HS3ST4: variants seen among roughly 807,000 people sequenced by gnomAD.
HS3ST4 encodes heparan sulfate glucosamine 3-O-sulfotransferase 4.
In HS3ST4, 17 loss-of-function variants were observed where a neutral mutation model predicts 29.2. The observed-to-expected ratio is 0.58, with a 90% CI of 0.40 to 0.87. The LOEUF is 0.87. Ranked by LOEUF, HS3ST4 falls within the 40% of genes least tolerant of loss-of-function variation. The pLI, the probability that HS3ST4 is intolerant of heterozygous loss-of-function variation, is 0.00. For synonymous variants in HS3ST4, 314 were observed against 285.7 expected (o/e 1.10, Z -1.00); for missense variants, 627 against 634.5 (o/e 0.99, Z 0.13).
intron 1 of HS3ST4, among the ~76,000 whole-genome samples, chr16:25,862,721 A>G (rs545992668): frequency 6.6e-6 from 1 of 152,250 alleles, no homozygotes; most frequent in Non-Finnish European, 1.5e-5. Flanking sequence ...GTTTATGACA[A>G]TTATGAGTGA....
At chr16:26,079,521 C>A (rs1898702071) in intron 1 of HS3ST4, among the ~76,000 whole-genome samples, 1 of 152,198 alleles carries the variant, frequency 6.6e-6, no homozygotes, top group South Asian at 2.1e-4. Context: ...ATTTATCAGG[C>A]ACTTTGTATG....
Position 25,982,027 on chromosome 16 carries a change from C to G in HS3ST4, c.735-153585C>G, listed in dbSNP as rs568337918. On this transcript the variant is annotated intron_variant, in intron 1 of 1. Transcript: ENST00000331351. ...CAGCATGTGTGTGTATATTCACATACTGAGACACACAGACACACACACAGA... is the reference window on the plus strand; with the variant it reads ...CAGCATGTGTGTGTATATTCACATAGTGAGACACACAGACACACACACAGA... Among the ~76,000 whole-genome samples, 3 of 107,574 alleles carry G rather than the reference C, an allele frequency of 2.8e-5. No individual in the cohort carries two copies. In the South Asian group the frequency reaches 8.3e-4, roughly 30 times the overall value. The allele number at this position is 107,574 out of a possible 152,430, so 70.6% of individuals were successfully genotyped here.
At chr16:26,052,786 GCTT>G (rs1457441589) in intron 1 of HS3ST4, among the ~76,000 whole-genome samples, 2 of 152,254 alleles carry the variant, frequency 1.3e-5, no homozygotes, top group African/African-American at 4.8e-5. Context: ...CAACTCTCAT[GCTT>G]CTTGGACTCT....
At chr16:26,090,972 G>T (rs1898849952) in intron 1 of HS3ST4, among the ~76,000 whole-genome samples, 1 of 152,152 alleles carries the variant, frequency 6.6e-6, no homozygotes, top group Non-Finnish European at 1.5e-5. Flanking sequence ...GGCTAACCTG[G>T]TGTATAGGGT....
At chr16:26,086,474 C>T (rs8054988) in intron 1 of HS3ST4, among the ~76,000 whole-genome samples, 76,021 of 151,784 alleles carry the variant, frequency 0.5, 19,257 homozygotes, top group Non-Finnish European at 0.51. Context: ...CTCAGCCTCC[C>T]GAGTAGCTGG....
At chr16:26,015,356 G>A (rs965636101) in intron 1 of HS3ST4, among the ~76,000 whole-genome samples, 2 of 152,220 alleles carry the variant, frequency 1.3e-5, no homozygotes, top group Non-Finnish European at 2.9e-5. Context: ...ATCTGGTGGG[G>A]AATGGGGGTC....
At chr16:25,932,348 G>T (rs1968472496) in intron 1 of HS3ST4, among the ~76,000 whole-genome samples, 1 of 152,140 alleles carries the variant, frequency 6.6e-6, no homozygotes, top group Admixed American at 6.5e-5. Context: ...CTCTGTACTT[G>T]GTGCTCTCTA....
rs963165686 is a variant in HS3ST4 at position 26,043,584 on chromosome 16, G to A, written c.735-92028G>A. Reference sequence around the variant, plus strand: ...AGGATTAAGTGAGGTCCCAGATGTCGGGTATCAGACACAGCTTCCTCATGT... The same window carrying A: ...AGGATTAAGTGAGGTCCCAGATGTCAGGTATCAGACACAGCTTCCTCATGT... On this transcript the variant is annotated intron_variant, in intron 1 of 1. Coordinates refer to ENST00000331351, the MANE Select transcript of HS3ST4 (RefSeq NM_006040.3). 2.1e-4 allele frequency among the ~76,000 whole-genome samples: 32 copies of A among 152,116 alleles called. 2 individuals are homozygous for A. Among genetic ancestry groups the A allele is most frequent in the Admixed American group, 5.9e-4 (9 of 15,266 alleles).
chr16:25,801,680 G>T (rs1276276646), intron 1 of HS3ST4, among the ~76,000 whole-genome samples: 1 of 152,062 alleles, frequency 6.6e-6, no homozygotes, highest in Non-Finnish European at 1.5e-5. Context: ...CATTTTAAAT[G>T]CTTACTCGCC....
intron 1 of HS3ST4, among the ~76,000 whole-genome samples, chr16:26,125,615 G>T (rs548418436): frequency 6.6e-6 from 1 of 152,312 alleles, no homozygotes; most frequent in East Asian, 1.9e-4. Context: ...CTCTCTTCAC[G>T]TTATACCCAG....
chr16:26,106,691 A>T (rs1017281218), intron 1 of HS3ST4, among the ~76,000 whole-genome samples: 1 of 152,270 alleles, frequency 6.6e-6, no homozygotes, highest in Non-Finnish European at 1.5e-5. Flanking sequence ...CAAAACTCAC[A>T]GCAAAAATGT....
At chr16:26,074,965 C>T (rs537101582) in intron 1 of HS3ST4, among the ~76,000 whole-genome samples, 6 of 152,262 alleles carry the variant, frequency 3.9e-5, no homozygotes, top group African/African-American at 1.4e-4. Flanking sequence ...GAGGCTGAGG[C>T]AGGTAGATCA....
intron 1 of HS3ST4, among the ~76,000 whole-genome samples, chr16:25,700,312 G>A (rs1165039267): frequency 6.6e-6 from 1 of 152,134 alleles, no homozygotes; most frequent in African/African-American, 2.4e-5. Flanking sequence ...GCCTCCAGTA[G>A]GAATGGATGC....
chr16:25,829,956 TG>T (rs1325738663), intron 1 of HS3ST4, among the ~76,000 whole-genome samples: 16 of 152,116 alleles, frequency 1.1e-4, no homozygotes, highest in Admixed American at 5.9e-4. Context: ...CCCAAGTAGC[TG>T]GGGCTACAGG....
chr16:25,986,067 C>A (rs1439167732), intron 1 of HS3ST4, among the ~76,000 whole-genome samples: 1 of 152,098 alleles, frequency 6.6e-6, no homozygotes, highest in Non-Finnish European at 1.5e-5. Context: ...AAATTCTACC[C>A]ATCCTCTTGG....
chr16:25,984,500 CAG>C (rs926236206), intron 1 of HS3ST4, among the ~76,000 whole-genome samples: 1 of 152,182 alleles, frequency 6.6e-6, no homozygotes, highest in African/African-American at 2.4e-5. Flanking sequence ...AGGCCACTGG[CAG>C]GTACCAGCCT....
chr16:25,948,106 C>T (rs1472387520), intron 1 of HS3ST4, among the ~76,000 whole-genome samples: 3 of 152,114 alleles, frequency 2.0e-5, no homozygotes, highest in Admixed American at 2.0e-4. Flanking sequence ...CAATGAGGTA[C>T]GTACACCATA....
intron 1 of HS3ST4, among the ~76,000 whole-genome samples, chr16:25,792,751 GT>G (rs1458499331): frequency 6.6e-6 from 1 of 151,540 alleles, no homozygotes; most frequent in African/African-American, 2.4e-5. Flanking sequence ...AATTTTGTGT[GT>G]CTTTTCAAAG....
At chr16:26,089,560 G>A (rs74013256) in intron 1 of HS3ST4, among the ~76,000 whole-genome samples, 5,159 of 152,274 alleles carry the variant, frequency 0.034, 275 homozygotes, top group African/African-American at 0.11. Flanking sequence ...CTTCATGTGT[G>A]CTGAGAGCTT....
Sources: gnomAD v4.1 joint callset for allele counts (sites outside exome capture counted in the v4.1 genomes callset) on GRCh38, gnomAD v4.1.1 for gene constraint, MANE v1.5 for transcripts, NCBI Gene and HGNC (gene_info 2026-07-23, HGNC 2026-07-21) for gene names.